The following CIP2A variants were observed in gnomAD, a reference collection of about 807,000 sequenced individuals.
The protein encoded by CIP2A is protein CIP2A.
A neutral mutation model predicts 110.9 loss-of-function variants in CIP2A; 103 were observed. The observed-to-expected ratio is 0.93, with a 90% CI of 0.79 to 1.09. The LOEUF is 1.09. Ranked by LOEUF, CIP2A falls within the 50% of genes least tolerant of loss-of-function variation. The pLI is 0.00. For synonymous variants in CIP2A, 381 were observed against 361.6 expected, an observed-to-expected ratio of 1.05 and a Z score of -0.61; for missense variants, 1,088 against 1,038.4, an observed-to-expected ratio of 1.05 and a Z score of -0.66.
intron 9 of CIP2A, among the ~76,000 whole-genome samples, chr3:108,568,770 T>G (rs1386380495): frequency 6.6e-6 from 1 of 152,028 alleles, no homozygotes; most frequent in Non-Finnish European, 1.5e-5. Context: ...GAAAATTTTG[T>G]GAATAATTCT....
chr3:108,575,915 T>TATATATACATACATACATAC (rs1938628345), intron 8 of CIP2A, among the ~76,000 whole-genome samples: 2 of 72,910 alleles, frequency 2.7e-5, no homozygotes, highest in African/African-American at 8.9e-5. Context: ...TATATACATA[T>TATATATACATACATACATAC]ACGTATATAT....
At chr3:108,578,740 T>C (rs1198074663) in intron 7 of CIP2A, among the ~76,000 whole-genome samples, 1 of 152,122 alleles carries the variant, frequency 6.6e-6, no homozygotes, top group Non-Finnish European at 1.5e-5. Flanking sequence ...TACTACCTGA[T>C]CTCAAAACAT....
chr3:108,579,281 C>A lies in CIP2A; in HGVS notation c.818G>T (p.Arg273Ile). ...KNPKIADYLT[R>I]YEHFSSCLHQ... ...TAAAATTGACTGAAGTGAGTCATAC[C>A]TGGTGAGATAATCAGCAATTTTAGG... The change falls in exon 7 of 21, where the codon AGA (arginine) becomes ATA (isoleucine). Residue 273 changes from arginine (R) to isoleucine (I), a missense_variant and splice_region_variant. By Grantham distance (97) the Arg-to-Ile change is moderately conservative (BLOSUM62 -3). Transcript: ENST00000295746. The A allele has an allele frequency of 3.7e-6, 6 of 1,606,068 alleles. No homozygotes were observed. The highest frequency in any genetic ancestry group is 5.1e-6 in the Non-Finnish European group (6 of 1,175,006).
chr3:108,551,808 G>A lies in CIP2A; in HGVS notation c.2547+426C>T, dbSNP rs117050014. ...ACCATGGTAATATAGAAAGAACCCC[G>A]GACTCAGATTCAGAATATATACCTA... On this transcript the variant is annotated intron_variant, in intron 20 of 20. Transcript: ENST00000295746. Among the ~76,000 whole-genome samples the A allele has an allele frequency of 1.8e-3, 275 of 152,022 alleles. 9 individuals carry two copies. In the East Asian group the frequency reaches 0.045, roughly 25 times the overall value.
At chr3:108,583,732 C>G (rs75950235) in intron 2 of CIP2A, among the ~76,000 whole-genome samples, 2,915 of 152,092 alleles carry the variant, frequency 0.019, 103 homozygotes, top group African/African-American at 0.067. Context: ...CTATAGTTAA[C>G]AATGTATTGT....
Position 108,550,508 on chromosome 3 carries a change from GTTAAATGTAATCAT to G in CIP2A, c.*627_*640del, listed in dbSNP as rs1194540502. ...AGATTTTTTATGAGACAGCTATTGT[GTTAAATGTAATCAT>G]TTAAATGTAATAGTTTAACACAATG... On this transcript the variant is annotated 3_prime_UTR_variant, in exon 21 of 21. Coordinates refer to ENST00000295746, the MANE Select transcript of CIP2A (RefSeq NM_020890.3). 1 of 151,254 alleles carries G rather than the reference GTTAAATGTAATCAT, an allele frequency of 6.6e-6. No homozygotes were observed. The highest frequency in any genetic ancestry group is 1.5e-5 in the Non-Finnish European group (1 of 67,624). The allele number at this position is 151,254 out of a possible 1,614,324, so 9.4% of individuals were successfully genotyped here.
intron 19 of CIP2A, 74 bp downstream of exon 19, chr3:108,553,574 G>A (rs1937654363): frequency 8.0e-7 from 1 of 1,253,478 alleles, no homozygotes; most frequent in East Asian, 2.8e-5. Context: ...AAATAAAAAA[G>A]CAAACAAAAC....
chr3:108,560,814 A>G lies in CIP2A; in HGVS notation c.1662T>C (p.Asn554=), dbSNP rs1425857647. ...LVLGESIAAN[N]AYRQQETEHI... ...GTTCTGTTTCCTGTTGTCTATAGGC[A>G]TTGTTTGCTGCTATACTTTCTCCAA... The change falls in exon 14 of 21, where the codon AAT becomes AAC. Residue 554 remains asparagine, a synonymous_variant. Coordinates refer to ENST00000295746, the MANE Select transcript of CIP2A (RefSeq NM_020890.3). The G allele has an allele frequency of 6.2e-7, 1 of 1,605,450 alleles. No homozygotes were observed. Among genetic ancestry groups the G allele is most frequent in the South Asian group, 1.1e-5 (1 of 88,968 alleles).
intron 17 of CIP2A, among the ~76,000 whole-genome samples, chr3:108,556,732 T>C (rs2107314808): frequency 6.6e-6 from 1 of 152,206 alleles, no homozygotes; most frequent in Non-Finnish European, 1.5e-5. Context: ...AAGAGATGAG[T>C]TAAACACTTA....
chr3:108,557,966 T>C (rs538090582), intron 16 of CIP2A, among the ~76,000 whole-genome samples: 5 of 152,316 alleles, frequency 3.3e-5, no homozygotes, highest in African/African-American at 1.2e-4. Flanking sequence ...CTTTGGATTT[T>C]ATTTTACAAT....
chr3:108,568,355 G>C (rs200149332), intron 9 of CIP2A, 41 bp from the exon 10 acceptor site: 11 of 1,557,266 alleles, frequency 7.1e-6, no homozygotes, highest in Non-Finnish European at 9.7e-6. Flanking sequence ...AGCAAAGATG[G>C]AATATACAAT....
At chr3:108,553,553 C>T in intron 19 of CIP2A, 95 bp downstream of exon 19, 1 of 1,075,874 alleles carries the variant, frequency 9.3e-7, no homozygotes, top group South Asian at 1.5e-5. Flanking sequence ...AAGTTTAAAA[C>T]AATAAGTAGA....
At position 108,560,690 on chromosome 3, in the gene CIP2A, T is replaced by C. The variant is rs959505629; in HGVS notation, c.1786A>G (p.Asn596Asp). Residue 596 changes from asparagine to aspartate, a missense_variant, in exon 14 of 21, where the codon AAT becomes GAT. Transcript: ENST00000295746. ...PHLKDGVPGL[N>D]IEELIEKLQS... is the part of the protein sequence containing the mutation. ...AGTTTCTCTATTAATTCTTCAATAT[T>C]CAATCCAGGAACACCATCTTTCAAA... is the stretch of plus-strand genomic sequence containing the variant. 2 of 1,609,452 alleles carry C rather than the reference T, an allele frequency of 1.2e-6. No individual in the cohort carries two copies.
intron 8 of CIP2A, 60 bp downstream of exon 8, chr3:108,576,211 A>T (rs1455699259): frequency 1.8e-6 from 2 of 1,081,150 alleles, no homozygotes; most frequent in African/African-American, 3.3e-5. Context: ...GCAGTTTTTT[A>T]AAAGTTTCGG....
At chr3:108,557,190 C>A in intron 17 of CIP2A, 28 bp downstream of exon 17, 21 of 1,450,516 alleles carry the variant, frequency 1.4e-5, no homozygotes, top group Non-Finnish European at 2.0e-5. Flanking sequence ...AGGTTCTAAC[C>A]TTACACAGAA....
intron 7 of CIP2A, among the ~76,000 whole-genome samples, chr3:108,576,651 T>C (rs1486756424): frequency 6.6e-6 from 1 of 152,224 alleles, no homozygotes; most frequent in Admixed American, 6.5e-5. Context: ...TCAATTGCTC[T>C]ATTTTTTTAA....
At position 108,553,750 on chromosome 3, in the gene CIP2A, T is replaced by A. The variant is rs200847374; in HGVS notation, c.2325-20A>T. ...ATACTTCTGAAGTTATTAAAAAAAA[T>A]AGAAGAAAACATTAATGAACCATAT... On this transcript the variant is annotated intron_variant, in intron 18 of 20. Transcript: ENST00000295746. 3 of 1,483,620 alleles carry A rather than the reference T, an allele frequency of 2.0e-6. No individual in the cohort carries two copies. The highest frequency in any genetic ancestry group is 1.7e-5 in the Admixed American group (1 of 57,662). 91.9% of individuals were successfully genotyped at this position (1,483,620 alleles called of 1,614,324 possible). A position where few individuals can be genotyped will look rare whatever the true frequency, so the allele number is the denominator to read the frequency against.
At chr3:108,551,631 A>T (rs113766237) in intron 20 of CIP2A, among the ~76,000 whole-genome samples, 7 of 152,190 alleles carry the variant, frequency 4.6e-5, no homozygotes, top group African/African-American at 1.7e-4. Context: ...TTAAAGCAGA[A>T]CCAGAAAAAC....
Position 108,560,767 on chromosome 3 carries a change from C to G in CIP2A, c.1709G>C (p.Trp570Ser), listed in dbSNP as rs774087930. 1.9e-6 allele frequency: 3 copies of G among 1,612,706 alleles called. No individual in the cohort carries two copies. Among genetic ancestry groups the G allele is most frequent in the African/African-American group, 1.3e-5 (1 of 74,768 alleles). The part of the protein sequence containing the change: ...ETEHIPRKMP[W>S]QSSNHSFPTS... Reference sequence around the variant, plus strand: ...TGGAAAACTGTGATTTGATGATTGCCAGGGCATTTTTCTGGGTATATGTTC... The same window carrying G: ...TGGAAAACTGTGATTTGATGATTGCGAGGGCATTTTTCTGGGTATATGTTC... The change falls in exon 14 of 21, where the codon TGG becomes TCG. Residue 570 changes from tryptophan (W) to serine (S), a missense_variant. Transcript: ENST00000295746.
Sources: allele counts gnomAD v4.1 joint callset (sites outside exome capture counted in the v4.1 genomes callset), GRCh38; gene constraint gnomAD v4.1.1; transcripts MANE v1.5; gene names NCBI Gene and HGNC (gene_info 2026-07-23, HGNC 2026-07-21).